ARIH2: variants seen among roughly 807,000 people sequenced by gnomAD.
ARIH2 encodes the protein ariadne RBR E3 ubiquitin protein ligase 2, also known as E3 ubiquitin-protein ligase ARIH2.
A neutral mutation model predicts 79.8 loss-of-function variants in ARIH2; 12 were observed. The observed-to-expected ratio is 0.15, with a 90% CI of 0.10 to 0.24. ARIH2 has a LOEUF of 0.24. Among genes scored for constraint, ARIH2 ranks in the 10% least tolerant of loss-of-function variants. The probability of loss-of-function intolerance (pLI) is 1.00; values close to 1 mark genes in which losing one functional copy is unlikely to be tolerated. For synonymous variants in ARIH2, 224 were observed against 213.9 expected (o/e 1.05, Z -0.41); for missense variants, 301 against 618.3 (o/e 0.49, Z 5.44).
rs988097868 is a variant in ARIH2, at chr3:48,967,380, T to C, written c.538+105T>C. 4 of 1,316,858 alleles carry C rather than the reference T, an allele frequency of 3.0e-6. No homozygotes were observed. The African/African-American group carries it at 4.4e-5, about 15-fold the overall frequency. 81.6% of individuals were successfully genotyped at this position (1,316,858 alleles called of 1,614,324 possible). A position where few individuals can be genotyped will look rare whatever the true frequency, so the allele number is the denominator to read the frequency against. ...CTGAGTATTTTCTTCTGAGCCTGAT[T>C]GGGGTTTTTATCATCAGAACTAGTG... is the stretch of plus-strand genomic sequence containing the variant. On this transcript the variant is annotated intron_variant, in intron 6 of 15. Coordinates refer to ENST00000356401, the MANE Select transcript of ARIH2 (RefSeq NM_006321.4).
intron 3 of ARIH2, among the ~76,000 whole-genome samples, chr3:48,951,243 C>T (rs1414005250): frequency 2.0e-5 from 3 of 152,050 alleles, no homozygotes; most frequent in African/African-American, 7.2e-5. Flanking sequence ...GGATTACAAG[C>T]GTGAGCCAGT....
intron 3 of ARIH2, chr3:48,943,392 T>A (rs1213913504): frequency 6.6e-6 from 1 of 152,238 alleles, no homozygotes. Flanking sequence ...ACCTCTCCTG[T>A]ATCCCTGTGC....
intron 3 of ARIH2, among the ~76,000 whole-genome samples, chr3:48,960,531 A>G (rs563139564): frequency 1.3e-5 from 2 of 152,162 alleles, no homozygotes; most frequent in African/African-American, 4.8e-5. Flanking sequence ...TGGGAGGCCA[A>G]GGCAGGCGGA....
intron 11 of ARIH2, among the ~76,000 whole-genome samples, chr3:48,977,095 G>A (rs1025581181): frequency 1.3e-5 from 2 of 151,732 alleles, no homozygotes; most frequent in African/African-American, 4.8e-5. Flanking sequence ...CCAGCTATTC[G>A]GGAGGCTGAG....
chr3:48,918,934 C>T lies in ARIH2; in HGVS notation c.-226C>T, dbSNP rs1185405449. ...GCTGCCGCTTCGCCCCAATCCGGTCCCTCTGGCCCGGCCTGACCCGGTCTG... is the reference window on the plus strand; with the variant it reads ...GCTGCCGCTTCGCCCCAATCCGGTCTCTCTGGCCCGGCCTGACCCGGTCTG... On this transcript the variant is annotated 5_prime_UTR_variant, in exon 1 of 16. Coordinates refer to ENST00000356401, the MANE Select transcript of ARIH2 (RefSeq NM_006321.4). 3.8e-6 allele frequency: 6 copies of T among 1,585,774 alleles called. No homozygotes were observed. Among genetic ancestry groups the T allele is most frequent in the East Asian group, 2.3e-5 (1 of 44,394 alleles).
rs1159666067 is a variant in ARIH2 at position 48,964,925 on chromosome 3, G to A, written c.330G>A (p.Lys110=). 1.2e-6 allele frequency: 2 copies of A among 1,613,238 alleles called. No homozygotes were observed. Residue 110 remains lysine, a synonymous_variant, in exon 5 of 16, where the codon AAG becomes AAA. Transcript: ENST00000356401. ...TCTGCTTTTTGTTTTGTAGATACAA[G>A]TCCAATTCTGCTCAACTGCTTGTTG... is the stretch of plus-strand genomic sequence containing the variant. ...WQVSEILDRY[K]SNSAQLLVEA...
In ARIH2 at chr3:48,927,667, G is replaced by C; in HGVS notation, c.109G>C (p.Asp37His). 1 of 1,614,044 alleles carries C rather than the reference G, an allele frequency of 6.2e-7. No individual in the cohort carries two copies. The highest frequency in any genetic ancestry group is 8.5e-7 in the Non-Finnish European group (1 of 1,179,970). Reference sequence around the variant, plus strand: ...AGAAGACGACCCTGGGGACATAGAGGACTATTACGTGGGAGTAGCCAGCGA... The same window carrying C: ...AGAAGACGACCCTGGGGACATAGAGCACTATTACGTGGGAGTAGCCAGCGA... ...EEEDDPGDIE[D>H]YYVGVASDVE... The change falls in exon 3 of 16, where the codon GAC (aspartate) becomes CAC (histidine). Residue 37 changes from aspartate (D) to histidine (H), a missense_variant. Around this residue, in one of 2 missense-constraint regions of ARIH2, gnomAD observed 223 missense variants for 349.4 expected, o/e 0.64. Transcript: ENST00000356401.
chr3:48,949,267 G>T (rs567861855), intron 3 of ARIH2, among the ~76,000 whole-genome samples: 2 of 152,074 alleles, frequency 1.3e-5, no homozygotes, highest in African/African-American at 4.8e-5. Flanking sequence ...ACAGGCGCCC[G>T]CCGTGACGCC....
intron 11 of ARIH2, among the ~76,000 whole-genome samples, chr3:48,976,676 T>C (rs2092519188): frequency 6.6e-6 from 1 of 152,182 alleles, no homozygotes; most frequent in Non-Finnish European, 1.5e-5. Flanking sequence ...AAGTGTATCA[T>C]ACACTTAGAA....
At chr3:48,975,862 C>T (rs185910774) in intron 11 of ARIH2, among the ~76,000 whole-genome samples, 3 of 151,600 alleles carry the variant, frequency 2.0e-5, no homozygotes, top group Admixed American at 2.0e-4. Flanking sequence ...TGTGCCCGAC[C>T]GAGAATTTTG....
At chr3:48,919,215 C>G in intron 1 of ARIH2, 1 of 1,271,280 alleles carries the variant, frequency 7.9e-7, no homozygotes, top group Non-Finnish European at 9.9e-7. Context: ...GCCTTCTCAG[C>G]TCTCGGAAAG....
intron 3 of ARIH2, among the ~76,000 whole-genome samples, chr3:48,933,300 G>A (rs574023057): frequency 1.0e-4 from 15 of 146,642 alleles, no homozygotes; most frequent in African/African-American, 2.0e-4. Flanking sequence ...TCACAGGTGC[G>A]CACCACATGC....
chr3:48,967,344 A>C, intron 6 of ARIH2, 69 bp downstream of exon 6: 4 of 1,502,290 alleles, frequency 2.7e-6, no homozygotes, highest in Non-Finnish European at 3.6e-6. Flanking sequence ...CTTTTCATGT[A>C]CTCAAGTAAA....
At chr3:48,920,206 G>A (rs1276825057) in intron 1 of ARIH2, among the ~76,000 whole-genome samples, 1 of 151,868 alleles carries the variant, frequency 6.6e-6, no homozygotes, top group Non-Finnish European at 1.5e-5. Context: ...GTCTTGAACT[G>A]CTGGGCTCAA....
intron 3 of ARIH2, among the ~76,000 whole-genome samples, chr3:48,936,679 G>A (rs1327294472): frequency 1.3e-5 from 2 of 152,088 alleles, no homozygotes; most frequent in Admixed American, 1.3e-4. Context: ...GTTGCAGTGA[G>A]CCAAGATTGC....
At chr3:48,944,575 T>C (rs961075422) in intron 3 of ARIH2, among the ~76,000 whole-genome samples, 6 of 152,206 alleles carry the variant, frequency 3.9e-5, no homozygotes, top group East Asian at 1.9e-4. Flanking sequence ...GGCAAAGTTA[T>C]GATCAGGTGC....
chr3:48,939,799 A>C (rs1001497978), intron 3 of ARIH2, among the ~76,000 whole-genome samples: 1 of 151,794 alleles, frequency 6.6e-6, no homozygotes, highest in African/African-American at 2.4e-5. Flanking sequence ...AACAAAAAAA[A>C]AAACTGAAGT....
intron 3 of ARIH2, among the ~76,000 whole-genome samples, chr3:48,928,983 A>G (rs1415215993): frequency 6.6e-6 from 1 of 152,192 alleles, no homozygotes; most frequent in African/African-American, 2.4e-5. Context: ...CTGCCTCCAG[A>G]GGGCATTTCC....
chr3:48,936,098 T>C (rs565322556), intron 3 of ARIH2, among the ~76,000 whole-genome samples: 4 of 152,340 alleles, frequency 2.6e-5, no homozygotes, highest in Admixed American at 1.3e-4. Context: ...TGTTTGGTCT[T>C]ATGCCTATGT....
Sources: gnomAD v4.1 joint callset for allele counts (sites outside exome capture counted in the v4.1 genomes callset) on GRCh38, gnomAD v4.1.1 for gene constraint, gnomAD v4.1.1 regional missense constraint, MANE v1.5 for transcripts, NCBI Gene and HGNC (gene_info 2026-07-23, HGNC 2026-07-21) for gene names.